Variants in XYLT1 observed in about 807,000 individuals in gnomAD.
XYLT1 encodes xylosyltransferase 1, also known as beta-D-xylosyltransferase 1.
A neutral mutation model predicts 91.3 loss-of-function variants in XYLT1; 36 were observed. That is an observed-to-expected ratio of 0.39 (90% CI 0.30 to 0.52). XYLT1 has a LOEUF of 0.52. XYLT1 is among the 20% of genes least tolerant of loss of function. The pLI, the probability that XYLT1 is intolerant of heterozygous loss-of-function variation, is 0.68. For missense variants in XYLT1, 1,242 were observed against 1,284.5 expected (o/e 0.97, Z 0.51); for synonymous variants, 588 against 532.0 (o/e 1.11, Z -1.45).
In XYLT1 at chr16:17,449,327, G is replaced by A. The variant is rs115070394; in HGVS notation, c.363+21107C>T. ...GTCTGCAGGATCTCAGCAATTCCAC[G>A]GGCATGGAGAACAGCAGCCCCTGGA... On this transcript the variant is annotated intron_variant, in intron 1 of 11. Transcript: ENST00000261381. Among the ~76,000 whole-genome samples, 447 of 152,344 alleles carry A rather than the reference G, an allele frequency of 2.9e-3. 5 individuals carry two copies. Among genetic ancestry groups the A allele is most frequent in the African/African-American group, 0.01 (425 of 41,580 alleles).
intron 1 of XYLT1, among the ~76,000 whole-genome samples, chr16:17,395,800 T>C (rs1241169545): frequency 2.6e-5 from 4 of 152,176 alleles, no homozygotes; most frequent in African/African-American, 7.2e-5. Flanking sequence ...ATTTACCATA[T>C]TGACATGGAA....
chr16:17,298,019 C>CAA (rs60593780), intron 2 of XYLT1, among the ~76,000 whole-genome samples: 10 of 105,668 alleles, frequency 9.5e-5, no homozygotes, highest in Admixed American at 2.9e-4. Context: ...GACTCCGTCT[C>CAA]AAAAAAAAAA....
chr16:17,301,889 T>C (rs1258444553), intron 2 of XYLT1, among the ~76,000 whole-genome samples: 3 of 152,130 alleles, frequency 2.0e-5, no homozygotes, highest in South Asian at 4.1e-4. Context: ...GGAGACCACA[T>C]GGTCTGTTTG....
chr16:17,266,593 C>T (rs993375086), intron 2 of XYLT1, among the ~76,000 whole-genome samples: 11 of 152,278 alleles, frequency 7.2e-5, no homozygotes, highest in East Asian at 5.8e-4. Context: ...ACTGCCTCTC[C>T]GCAGCTATTA....
chr16:17,266,823 C>A (rs1245500839), intron 2 of XYLT1, among the ~76,000 whole-genome samples: 1 of 152,220 alleles, frequency 6.6e-6, no homozygotes, highest in African/African-American at 2.4e-5. Context: ...CAGGGAGAGG[C>A]CTGCACCTGC....
At chr16:17,361,474 A>G (rs1227387973) in intron 1 of XYLT1, among the ~76,000 whole-genome samples, 1 of 152,242 alleles carries the variant, frequency 6.6e-6, no homozygotes, top group East Asian at 1.9e-4. Flanking sequence ...GTTGTCACAA[A>G]CACTCACAGA....
At chr16:17,139,674 G>A (rs960419098) in intron 7 of XYLT1, among the ~76,000 whole-genome samples, 1 of 152,152 alleles carries the variant, frequency 6.6e-6, no homozygotes, top group Non-Finnish European at 1.5e-5. Context: ...ACAAGCAGTG[G>A]GAAGATGTAC....
At chr16:17,333,589 TTA>T (rs201577558) in intron 2 of XYLT1, among the ~76,000 whole-genome samples, 29 of 143,338 alleles carry the variant, frequency 2.0e-4, no homozygotes, top group African/African-American at 6.9e-4. Context: ...TTAATTTAAT[TTA>T]TTTTTTTTTT....
At chr16:17,116,640 G>C (rs1330653024) in intron 11 of XYLT1, among the ~76,000 whole-genome samples, 2 of 152,178 alleles carry the variant, frequency 1.3e-5, no homozygotes, top group African/African-American at 4.8e-5. Flanking sequence ...GAGCATTTCT[G>C]CACATGTCTC....
chr16:17,268,297 T>G (rs1485757238), intron 2 of XYLT1, among the ~76,000 whole-genome samples: 1 of 152,234 alleles, frequency 6.6e-6, no homozygotes, highest in Non-Finnish European at 1.5e-5. Flanking sequence ...ATACTTTTCA[T>G]AAATATATTT....
Position 17,108,651 on chromosome 16 carries a change from T to C in XYLT1, c.*44A>G. The C allele has an allele frequency of 6.6e-7, 1 of 1,507,800 alleles. No homozygotes were observed. Among genetic ancestry groups the C allele is most frequent in the Non-Finnish European group, 8.9e-7 (1 of 1,129,830 alleles). 93.4% of individuals were successfully genotyped at this position (1,507,800 alleles called of 1,614,324 possible). ...CAGGCCCCACAACCCCTCTGGCTGCTTTCCCGTTGAGATCCTGCTGTGGCC... is the reference window on the plus strand; with the variant it reads ...CAGGCCCCACAACCCCTCTGGCTGCCTTCCCGTTGAGATCCTGCTGTGGCC... On this transcript the variant is annotated 3_prime_UTR_variant, in exon 12 of 12. Coordinates refer to ENST00000261381, the MANE Select transcript of XYLT1 (RefSeq NM_022166.4).
At chr16:17,323,969 A>C (rs2034763170) in intron 2 of XYLT1, among the ~76,000 whole-genome samples, 1 of 152,214 alleles carries the variant, frequency 6.6e-6, no homozygotes, top group South Asian at 2.1e-4. Flanking sequence ...ACCCGTATCT[A>C]CTAAAGTATG....
chr16:17,455,379 C>G (rs1053298124), intron 1 of XYLT1, among the ~76,000 whole-genome samples: 1 of 152,096 alleles, frequency 6.6e-6, no homozygotes, highest in Non-Finnish European at 1.5e-5. Flanking sequence ...ATAAAGAGAA[C>G]GAGAGCAATC....
chr16:17,212,224 G>A (rs185298233), intron 3 of XYLT1, among the ~76,000 whole-genome samples: 233 of 152,344 alleles, frequency 1.5e-3, no homozygotes, highest in African/African-American at 5.4e-3. Flanking sequence ...CTCTCCAGGT[G>A]ATTGTGATAC....
At chr16:17,283,203 C>CGG (rs1490014411) in intron 2 of XYLT1, among the ~76,000 whole-genome samples, 3 of 152,180 alleles carry the variant, frequency 2.0e-5, no homozygotes, top group Non-Finnish European at 4.4e-5. Flanking sequence ...GCCAAGCCAA[C>CGG]GGGAGCAGAT....
At chr16:17,200,836 A>T (rs1347404205) in intron 3 of XYLT1, among the ~76,000 whole-genome samples, 182 bp from the exon 4 acceptor site, 1 of 152,178 alleles carries the variant, frequency 6.6e-6, no homozygotes, top group African/African-American at 2.4e-5. Flanking sequence ...TCAGGCACAA[A>T]AGGGGTTAGG....
chr16:17,159,765 A>C (rs2031502280), intron 5 of XYLT1, among the ~76,000 whole-genome samples: 1 of 152,222 alleles, frequency 6.6e-6, no homozygotes, highest in Non-Finnish European at 1.5e-5. Flanking sequence ...TATCCCCATC[A>C]ATCTCAGCAC....
At chr16:17,216,534 C>T (rs1270471693) in intron 3 of XYLT1, among the ~76,000 whole-genome samples, 1 of 152,082 alleles carries the variant, frequency 6.6e-6, no homozygotes, top group Non-Finnish European at 1.5e-5. Context: ...AAATCGTTTC[C>T]CATTTGTCAC....
At chr16:17,470,183 C>T (rs2036965139) in intron 1 of XYLT1, among the ~76,000 whole-genome samples, 1 of 152,186 alleles carries the variant, frequency 6.6e-6, no homozygotes, top group Admixed American at 6.5e-5. Flanking sequence ...CGGTAACCCC[C>T]AAAGCGCCCC....
Sources: allele counts gnomAD v4.1 joint callset (sites outside exome capture counted in the v4.1 genomes callset), GRCh38; gene constraint gnomAD v4.1.1; transcripts MANE v1.5; gene names NCBI Gene and HGNC (gene_info 2026-07-23, HGNC 2026-07-21).